TAFA5: variants seen among roughly 807,000 people sequenced by gnomAD.
The protein encoded by TAFA5 is chemokine-like protein TAFA-5.
Under a neutral mutation model 15.3 loss-of-function variants are expected in TAFA5, and 6 were observed. That is an observed-to-expected ratio of 0.39 (90% confidence interval 0.21 to 0.77). The LOEUF (loss-of-function observed/expected upper bound fraction) is 0.77, where lower values mean the gene tolerates loss of function less well. Among genes scored for constraint, TAFA5 ranks in the 30% least tolerant of loss-of-function variants. The probability of loss-of-function intolerance (pLI) is 0.41; values close to 1 mark genes in which losing one functional copy is unlikely to be tolerated. For missense variants in TAFA5, 161 were observed against 193.1 expected (o/e 0.83, Z 0.98); for synonymous variants, 103 against 80.7 (o/e 1.28, Z -1.48).
intron 1 of TAFA5, among the ~76,000 whole-genome samples, chr22:48,641,977 G>T (rs1390591159): frequency 6.6e-6 from 1 of 152,158 alleles, no homozygotes; most frequent in African/African-American, 2.4e-5. Context: ...AAAGGCCGGC[G>T]CCGTGGGTAG....
intron 1 of TAFA5, among the ~76,000 whole-genome samples, chr22:48,534,872 A>T (rs1459174521): frequency 6.6e-6 from 1 of 151,952 alleles, no homozygotes; most frequent in African/African-American, 2.4e-5. Flanking sequence ...CCGTGGAGGG[A>T]TGGAGGTCGG....
At chr22:48,669,933 G>A (rs1481579849) in intron 2 of TAFA5, among the ~76,000 whole-genome samples, 2 of 152,206 alleles carry the variant, frequency 1.3e-5, no homozygotes, top group African/African-American at 2.4e-5. Context: ...TCTCCATTCA[G>A]TTAGCTGGAA....
chr22:48,714,654 C>CA (rs1289579552), intron 3 of TAFA5, among the ~76,000 whole-genome samples: 3 of 152,170 alleles, frequency 2.0e-5, no homozygotes, highest in Non-Finnish European at 4.4e-5. Flanking sequence ...GAGGTGAGTC[C>CA]CCACTCAGCT....
rs1053713325 is a variant in TAFA5, at chr22:48,686,879, G to C, written c.263-20838G>C. Among the ~76,000 whole-genome samples, 2 of 146,414 alleles carry C rather than the reference G, an allele frequency of 1.4e-5. 1 individual carries two copies. The highest frequency in any genetic ancestry group is 1.4e-4 in the Admixed American group (2 of 14,424). On this transcript the variant is annotated intron_variant, in intron 2 of 3. Coordinates refer to ENST00000402357, the MANE Select transcript of TAFA5 (RefSeq NM_001082967.3). ...AATGGATGGATGGATAGATGGAGAT[G>C]ATGGATGGATTGATGGTTGAATGGA...
intron 1 of TAFA5, among the ~76,000 whole-genome samples, chr22:48,633,622 A>G (rs1161061574): frequency 2.0e-5 from 3 of 149,790 alleles, no homozygotes; most frequent in African/African-American, 7.4e-5. Flanking sequence ...TCTTGGTGCA[A>G]ATTCCTCCTG....
intron 1 of TAFA5, among the ~76,000 whole-genome samples, chr22:48,520,497 A>C (rs1921566751): frequency 1.3e-5 from 2 of 152,220 alleles, no homozygotes; most frequent in Non-Finnish European, 2.9e-5. Flanking sequence ...TGCAGGTGGG[A>C]CACCCTATTG....
intron 1 of TAFA5, among the ~76,000 whole-genome samples, chr22:48,584,739 C>T (rs932343699): frequency 4.1e-5 from 6 of 147,906 alleles, no homozygotes; most frequent in South Asian, 2.2e-4. Flanking sequence ...ACCATATACA[C>T]GCACCCTCCA....
rs546076243 is a variant in TAFA5 at position 48,525,409 on chromosome 22, G to A, written c.112+35705G>A. Among the ~76,000 whole-genome samples the A allele has an allele frequency of 1.4e-4, 21 of 152,204 alleles. No homozygotes were observed. In the South Asian group the frequency reaches 4.2e-3, roughly 30 times the overall value. ...CCGACAGGTGCCCGCTGCCTGCTCC[G>A]CCTGCTGGACTCCGATTCCAGTGCT... On this transcript the variant is annotated intron_variant, in intron 1 of 3. Coordinates refer to ENST00000402357, the MANE Select transcript of TAFA5 (RefSeq NM_001082967.3).
intron 1 of TAFA5, among the ~76,000 whole-genome samples, chr22:48,627,865 T>A (rs1164070944): frequency 6.6e-6 from 1 of 152,214 alleles, no homozygotes; most frequent in East Asian, 1.9e-4. Context: ...CGTGTTAGGC[T>A]GACCTCAGCA....
intron 1 of TAFA5, among the ~76,000 whole-genome samples, chr22:48,491,297 A>G (rs1928146242): frequency 6.6e-6 from 1 of 152,200 alleles, no homozygotes; most frequent in South Asian, 2.1e-4. Flanking sequence ...TAGGAGATGT[A>G]GAAAGGGTTA....
chr22:48,715,701 GGT>G (rs1929383037), intron 3 of TAFA5, among the ~76,000 whole-genome samples: 1 of 152,178 alleles, frequency 6.6e-6, no homozygotes, highest in Non-Finnish European at 1.5e-5. Context: ...CTGGGTGAGT[GGT>G]GGGGCCTGCT....
At chr22:48,706,662 C>T (rs13053273) in intron 2 of TAFA5, among the ~76,000 whole-genome samples, 82,361 of 152,126 alleles carry the variant, frequency 0.54, 22,734 homozygotes, top group Middle Eastern at 0.65. Flanking sequence ...AAAATACTGC[C>T]GGGCAGGTGT....
Position 48,552,625 on chromosome 22 carries a change from C to T in TAFA5, c.112+62921C>T, listed in dbSNP as rs965667154. On this transcript the variant is annotated intron_variant, in intron 1 of 3. Coordinates refer to ENST00000402357, the MANE Select transcript of TAFA5 (RefSeq NM_001082967.3). The surrounding 1 kb of genome is among the most constrained non-coding windows in gnomAD (Gnocchi z 4.1). ...ACCCCCGTCGCAGGGCTCGGAGTTGCGGGCAGGGTGGGAGACCCCTTCCAG... is the reference window on the plus strand; with the variant it reads ...ACCCCCGTCGCAGGGCTCGGAGTTGTGGGCAGGGTGGGAGACCCCTTCCAG... 6.6e-6 allele frequency among the ~76,000 whole-genome samples: 1 copy of T among 152,114 alleles called. No homozygotes were observed. The highest frequency in any genetic ancestry group is 1.9e-4 in the East Asian group (1 of 5,190).
At chr22:48,586,404 A>C (rs780053395) in intron 1 of TAFA5, among the ~76,000 whole-genome samples, 1 of 152,216 alleles carries the variant, frequency 6.6e-6, no homozygotes, top group Non-Finnish European at 1.5e-5. Context: ...GCATGATACC[A>C]GGCTAGTGGC....
At chr22:48,716,142 A>C (rs1929394849) in intron 3 of TAFA5, among the ~76,000 whole-genome samples, 3 of 152,280 alleles carry the variant, frequency 2.0e-5, no homozygotes, top group East Asian at 3.9e-4. Flanking sequence ...TGTTTTGGTT[A>C]CTGTAGCCTT....
In TAFA5 at chr22:48,537,941, C is replaced by T. The variant is rs550973734; in HGVS notation, c.112+48237C>T. Among the ~76,000 whole-genome samples the T allele has an allele frequency of 2.0e-5, 3 of 152,292 alleles. No individual in the cohort carries two copies. In the South Asian group the frequency reaches 6.2e-4, roughly 32 times the overall value. On this transcript the variant is annotated intron_variant, in intron 1 of 3. Coordinates refer to ENST00000402357, the MANE Select transcript of TAFA5 (RefSeq NM_001082967.3). ...CAGGGGCACGATGCCTTCCATTCCC[C>T]CGTGGGCCATTTGGCGTGGGGATGC...
intron 1 of TAFA5, among the ~76,000 whole-genome samples, chr22:48,569,228 A>T (rs1027817139): frequency 6.6e-6 from 1 of 152,218 alleles, no homozygotes; most frequent in East Asian, 1.9e-4. Context: ...AGGACGATGG[A>T]TGCAGGGCCA....
At chr22:48,567,366 A>G (rs1025695371) in intron 1 of TAFA5, among the ~76,000 whole-genome samples, 1 of 152,244 alleles carries the variant, frequency 6.6e-6, no homozygotes, top group Non-Finnish European at 1.5e-5. Flanking sequence ...CTTTCCTCCC[A>G]GCCTTATTAG....
chr22:48,711,333 G>C (rs2337490), intron 3 of TAFA5, among the ~76,000 whole-genome samples: 146 of 151,344 alleles, frequency 9.6e-4, no homozygotes, highest in African/African-American at 3.4e-3. Flanking sequence ...TATGGCGGGG[G>C]CACCTTGTAT....
Sources: allele counts gnomAD v4.1 joint callset (sites outside exome capture counted in the v4.1 genomes callset), GRCh38; gene constraint gnomAD v4.1.1; non-coding constraint Gnocchi (gnomAD v3.1); transcripts MANE v1.5; gene names NCBI Gene and HGNC (gene_info 2026-07-23, HGNC 2026-07-21).